Variants in ITGB5 observed in about 807,000 individuals in gnomAD.
The protein encoded by ITGB5 is integrin subunit beta 5, also known as integrin beta-5.
In ITGB5, 38 loss-of-function variants were observed where a neutral mutation model predicts 84.8. The ratio of observed to expected loss-of-function variants is 0.45; its 90% CI spans 0.35 to 0.59. ITGB5 has a LOEUF of 0.59. ITGB5 is among the 20% of genes least tolerant of loss of function. The pLI, the probability that ITGB5 is intolerant of heterozygous loss-of-function variation, is 0.01. For synonymous variants in ITGB5, 393 were observed against 414.4 expected (o/e 0.95, Z 0.63); for missense variants, 905 against 1,034.5 (o/e 0.87, Z 1.72).
At chr3:124,828,092 C>G (rs1279376497) in intron 5 of ITGB5, among the ~76,000 whole-genome samples, 1 of 151,916 alleles carries the variant, frequency 6.6e-6, no homozygotes, top group African/African-American at 2.4e-5. Flanking sequence ...GTTTGGTGGT[C>G]TCTTCACAGG....
chr3:124,764,578 G>A (rs1479555340), intron 13 of ITGB5, 21 bp from the exon 14 acceptor site: 1 of 1,590,984 alleles, frequency 6.3e-7, no homozygotes. Context: ...CAGAAGCATG[G>A]TAAGCAAAGC....
At chr3:124,869,354 T>G (rs848804) in intron 2 of ITGB5, among the ~76,000 whole-genome samples, 27,801 of 152,106 alleles carry the variant, frequency 0.18, 2,660 homozygotes, top group Admixed American at 0.21. Context: ...GGCAGGCAGA[T>G]CACTTGAGCC....
chr3:124,837,354 T>TA (rs2064949289), intron 5 of ITGB5, among the ~76,000 whole-genome samples: 1 of 152,148 alleles, frequency 6.6e-6, no homozygotes, highest in East Asian at 1.9e-4. Context: ...ATTCTGACCA[T>TA]AAAAAAGTAT....
rs908802567 is a variant in ITGB5, at chr3:124,821,297, G to A, written c.942+16C>T. On this transcript the variant is annotated intron_variant, in intron 6 of 14. Coordinates refer to ENST00000296181, the MANE Select transcript of ITGB5 (RefSeq NM_002213.5). ...GAGAGGCAACAGGGAGGGGGGATCT[G>A]GTTCCCGGCACTCACCATCTGGTTG... 10 of 1,605,360 alleles carry A rather than the reference G, an allele frequency of 6.2e-6. No homozygotes were observed. Among genetic ancestry groups the A allele is most frequent in the African/African-American group, 2.7e-5 (2 of 74,734 alleles).
intron 10 of ITGB5, among the ~76,000 whole-genome samples, chr3:124,783,028 C>T (rs765483967): frequency 6.6e-6 from 1 of 151,558 alleles, no homozygotes; most frequent in Non-Finnish European, 1.5e-5. Flanking sequence ...TGGTGGCTCA[C>T]GCCTGTAATC....
At position 124,812,450 on chromosome 3, in the gene ITGB5, C is replaced by A. The variant is rs143148968; in HGVS notation, c.1129-3294G>T. ...AACAAAAAGAGAAACATGTGCTCTGCTAGAGAAAAATACACCACAGCTTCT... is the reference window on the plus strand; with the variant it reads ...AACAAAAAGAGAAACATGTGCTCTGATAGAGAAAAATACACCACAGCTTCT... On this transcript the variant is annotated intron_variant, in intron 8 of 14. Coordinates refer to ENST00000296181, the MANE Select transcript of ITGB5 (RefSeq NM_002213.5). 1.2e-3 allele frequency among the ~76,000 whole-genome samples: 187 copies of A among 152,314 alleles called. 1 individual carries two copies. Among genetic ancestry groups the A allele is most frequent in the African/African-American group, 4.1e-3 (172 of 41,568 alleles).
chr3:124,799,341 T>C (rs1335566436), intron 9 of ITGB5, among the ~76,000 whole-genome samples: 1 of 152,098 alleles, frequency 6.6e-6, no homozygotes, highest in Non-Finnish European at 1.5e-5. Context: ...GGAGGATCAC[T>C]TGAGGCCAGG....
At chr3:124,814,290 G>C (rs7639092) in intron 8 of ITGB5, among the ~76,000 whole-genome samples, 16,480 of 151,786 alleles carry the variant, frequency 0.11, 2,008 homozygotes, top group African/African-American at 0.29. Context: ...TTCACCTGAA[G>C]GGAGGGGTGG....
At chr3:124,869,763 A>G (rs1159016703) in intron 2 of ITGB5, among the ~76,000 whole-genome samples, 5 of 152,224 alleles carry the variant, frequency 3.3e-5, no homozygotes, top group African/African-American at 1.2e-4. Context: ...AGTGGGCTGG[A>G]CAGGGAACCT....
At chr3:124,766,408 C>T (rs1220795148) in intron 12 of ITGB5, 63 bp from the exon 13 acceptor site, 36 of 1,586,418 alleles carry the variant, frequency 2.3e-5, no homozygotes, top group Admixed American at 6.9e-5. Flanking sequence ...CACTGATGGT[C>T]GGGGCAGGGA....
At chr3:124,866,597 T>C (rs1427110783) in intron 2 of ITGB5, among the ~76,000 whole-genome samples, 1 of 152,134 alleles carries the variant, frequency 6.6e-6, no homozygotes, top group African/African-American at 2.4e-5. Context: ...ATCCCTGGGA[T>C]GAAGAGGGAA....
intron 5 of ITGB5, among the ~76,000 whole-genome samples, chr3:124,837,850 G>GGAGCTGT: frequency 6.6e-6 from 1 of 152,324 alleles, no homozygotes; most frequent in Non-Finnish European, 1.5e-5. Context: ...CAGGGCACAG[G>GGAGCTGT]GTCAGGGGAA....
upstream of ITGB5, among the ~76,000 whole-genome samples, chr3:124,889,530 T>G (rs1934949458): frequency 6.6e-6 from 1 of 152,180 alleles, no homozygotes; most frequent in South Asian, 2.1e-4. Flanking sequence ...AAAATAAACT[T>G]TCTAAATTGA....
intron 2 of ITGB5, among the ~76,000 whole-genome samples, chr3:124,860,334 G>A (rs1036355113): frequency 5.3e-4 from 79 of 149,890 alleles, no homozygotes; most frequent in Middle Eastern, 6.8e-3. Context: ...CACTAAGGAG[G>A]AAAAAAAAAC....
intron 11 of ITGB5, among the ~76,000 whole-genome samples, chr3:124,771,434 G>A (rs1444368948): frequency 1.3e-5 from 2 of 152,196 alleles, no homozygotes; most frequent in East Asian, 3.8e-4. Context: ...CAGAGGGTCA[G>A]TGTGGCCCAG....
chr3:124,884,361 G>A (rs1934709728), intron 1 of ITGB5, among the ~76,000 whole-genome samples: 1 of 152,164 alleles, frequency 6.6e-6, no homozygotes, highest in South Asian at 2.1e-4. Flanking sequence ...GGAGGCCAGT[G>A]CCATGGCTTG....
At chr3:124,880,214 T>C (rs1018522499) in intron 1 of ITGB5, among the ~76,000 whole-genome samples, 5 of 152,220 alleles carry the variant, frequency 3.3e-5, no homozygotes, top group Admixed American at 3.3e-4. Flanking sequence ...CAACTCAATG[T>C]ATTGTGGTAT....
Position 124,796,716 on chromosome 3 carries a change from C to G in ITGB5, c.1365G>C (p.Val455=). 6.2e-7 allele frequency: 1 copy of G among 1,614,152 alleles called. No homozygotes were observed. The highest frequency in any genetic ancestry group is 1.1e-5 in the South Asian group (1 of 91,058). The change falls in exon 10 of 15, where the codon GTG becomes GTC. Residue 455 remains valine, a synonymous_variant. Coordinates refer to ENST00000296181, the MANE Select transcript of ITGB5 (RefSeq NM_002213.5). ...RPVGFRDSLE[V]GVTYNCTCGC... The stretch of plus-strand genomic sequence containing the variant: ...CGCACGTGCAGTTGTAGGTGACCCC[C>G]ACCTCCAGGCTGTCCCGGAATCCCA...
chr3:124,852,053 A>C (rs1199958113), intron 3 of ITGB5, among the ~76,000 whole-genome samples: 1 of 151,758 alleles, frequency 6.6e-6, no homozygotes, highest in East Asian at 1.9e-4. Flanking sequence ...ACGCTTAAGC[A>C]CTCTCCTCCC....
Sources: allele counts gnomAD v4.1 joint callset (sites outside exome capture counted in the v4.1 genomes callset), GRCh38; gene constraint gnomAD v4.1.1; transcripts MANE v1.5; gene names NCBI Gene and HGNC (gene_info 2026-07-23, HGNC 2026-07-21).